The following HOOK3 variants were observed in gnomAD, a reference collection of about 807,000 sequenced individuals.
HOOK3 encodes protein Hook homolog 3.
In HOOK3, 24 loss-of-function variants were observed where a neutral mutation model predicts 116.3. That is an observed-to-expected ratio of 0.21 (90% confidence interval 0.15 to 0.29). The LOEUF (loss-of-function observed/expected upper bound fraction) is 0.29, where lower values mean the gene tolerates loss of function less well. HOOK3 is among the 10% of genes least tolerant of loss of function. The pLI is 1.00. For missense variants in HOOK3, 632 were observed against 830.2 expected (o/e 0.76, Z 2.93); for synonymous variants, 275 against 283.0 (o/e 0.97, Z 0.28).
At chr8:42,999,286 A>C (rs1366839804) in intron 16 of HOOK3, among the ~76,000 whole-genome samples, 1 of 152,224 alleles carries the variant, frequency 6.6e-6, no homozygotes, top group Admixed American at 6.5e-5. Flanking sequence ...CAGAAGTGAG[A>C]TGCTAGCCCT....
At chr8:42,920,891 T>C (rs1432075813) in intron 2 of HOOK3, among the ~76,000 whole-genome samples, 1 of 152,236 alleles carries the variant, frequency 6.6e-6, no homozygotes, top group Non-Finnish European at 1.5e-5. Context: ...GTTGCTGATA[T>C]AATACAGATG....
In HOOK3 at chr8:42,960,889, C is replaced by T. The variant is rs181857672; in HGVS notation, c.615+1575C>T. ...TTTTTGTATTGTTGTAAAGAAATAC[C>T]CAAGGCTGCATAATTTATAAAGAAA... On this transcript the variant is annotated intron_variant, in intron 8 of 21. Transcript: ENST00000307602. Among the ~76,000 whole-genome samples the T allele has an allele frequency of 1.6e-3, 246 of 152,132 alleles. 1 individual carries two copies. The Middle Eastern group carries it at 0.017, about 11-fold the overall frequency.
intron 17 of HOOK3, among the ~76,000 whole-genome samples, chr8:43,004,610 G>A (rs1428222358): frequency 6.8e-6 from 1 of 147,656 alleles, no homozygotes. Context: ...GAACCTGGGA[G>A]GCAGAGGTTG....
chr8:42,929,787 A>T (rs1399889556), intron 3 of HOOK3, among the ~76,000 whole-genome samples: 1 of 152,164 alleles, frequency 6.6e-6, no homozygotes, highest in Admixed American at 6.5e-5. Flanking sequence ...TCAAGTCTTC[A>T]TTAAGGATGG....
chr8:42,957,911 G>T (rs968818476), intron 7 of HOOK3, among the ~76,000 whole-genome samples: 3 of 149,136 alleles, frequency 2.0e-5, no homozygotes, highest in East Asian at 2.0e-4. Context: ...CTCACTGCAA[G>T]CTTCACCTCC....
chr8:42,985,880 C>T (rs929642782), intron 14 of HOOK3, among the ~76,000 whole-genome samples: 5 of 152,126 alleles, frequency 3.3e-5, no homozygotes, highest in South Asian at 4.1e-4. Flanking sequence ...AAGAGCAATG[C>T]GTGTGTGTCT....
At chr8:43,014,518 A>G (rs1039341679) in intron 21 of HOOK3, among the ~76,000 whole-genome samples, 1 of 151,488 alleles carries the variant, frequency 6.6e-6, no homozygotes, top group South Asian at 2.1e-4. Flanking sequence ...CGCCCGAATA[A>G]TTTTTGTATT....
At chr8:42,985,516 T>A (rs189770530) in intron 14 of HOOK3, among the ~76,000 whole-genome samples, 1 of 152,352 alleles carries the variant, frequency 6.6e-6, no homozygotes, top group East Asian at 1.9e-4. Flanking sequence ...TAGAAGGCTA[T>A]ATTTCAGCAG....
At chr8:42,987,415 T>C (rs1382713741) in intron 15 of HOOK3, among the ~76,000 whole-genome samples, 30 of 152,234 alleles carry the variant, frequency 2.0e-4, no homozygotes, top group Admixed American at 2.0e-3. Flanking sequence ...AAAAATCCGA[T>C]AATTCAGTCT....
chr8:42,964,334 A>G lies in HOOK3; in HGVS notation c.639A>G (p.Lys213=). ...DMQVAALQEE[K]SSLLAENQVL... ...AGGTTGCAGCATTGCAGGAAGAGAA[A>G]AGTAGTTTGTTGGCAGAGAATCAGG... The change falls in exon 9 of 22, where the codon AAA becomes AAG. Residue 213 remains lysine, a synonymous_variant. Coordinates refer to ENST00000307602, the MANE Select transcript of HOOK3 (RefSeq NM_032410.4). 6.2e-7 allele frequency: 1 copy of G among 1,614,160 alleles called. No individual in the cohort carries two copies. Among genetic ancestry groups the G allele is most frequent in the Non-Finnish European group, 8.5e-7 (1 of 1,180,012 alleles).
Position 43,022,712 on chromosome 8 carries a change from G to A in HOOK3, c.*4214G>A, listed in dbSNP as rs1474563902. ...CATTTGTCTATTTGATAGTAATGCA[G>A]AAAAAAGTCCCTAAAGACCCTGTGT... is the stretch of plus-strand genomic sequence containing the variant. On this transcript the variant is annotated 3_prime_UTR_variant, in exon 22 of 22. Transcript: ENST00000307602. 1 of 180,606 alleles carries A rather than the reference G, an allele frequency of 5.5e-6. No individual in the cohort carries two copies. The highest frequency in any genetic ancestry group is 1.2e-5 in the Non-Finnish European group (1 of 84,538). 11.2% of individuals were successfully genotyped at this position (180,606 alleles called of 1,614,324 possible).
chr8:42,925,826 A>T (rs1025545778), intron 3 of HOOK3, among the ~76,000 whole-genome samples, 197 bp downstream of exon 3: 2 of 152,192 alleles, frequency 1.3e-5, no homozygotes, highest in African/African-American at 4.8e-5. Context: ...ACGCATAGCA[A>T]CCAAGGGCAT....
chr8:42,900,785 T>C (rs1349095278), intron 1 of HOOK3, among the ~76,000 whole-genome samples: 1 of 152,270 alleles, frequency 6.6e-6, no homozygotes, highest in Non-Finnish European at 1.5e-5. Flanking sequence ...TGCATTGATA[T>C]TTAACTTTAT....
At chr8:42,955,449 C>T (rs1219741781) in intron 6 of HOOK3, among the ~76,000 whole-genome samples, 1 of 151,652 alleles carries the variant, frequency 6.6e-6, no homozygotes, top group Admixed American at 6.6e-5. Context: ...AGATTTTTGC[C>T]AGTAAGAAAA....
intron 8 of HOOK3, among the ~76,000 whole-genome samples, chr8:42,963,243 G>C (rs187762602): frequency 6.6e-6 from 1 of 152,118 alleles, no homozygotes; most frequent in Admixed American, 6.5e-5. Flanking sequence ...GGGGATATTC[G>C]CATTATATGC....
chr8:42,980,282 A>G (rs1808914282), intron 13 of HOOK3, among the ~76,000 whole-genome samples: 2 of 152,154 alleles, frequency 1.3e-5, no homozygotes, highest in South Asian at 4.2e-4. Flanking sequence ...AATTTTAAGA[A>G]TCTAACCTGA....
chr8:42,978,115 T>A (rs1363617243), intron 13 of HOOK3, among the ~76,000 whole-genome samples: 1 of 152,206 alleles, frequency 6.6e-6, no homozygotes, highest in Non-Finnish European at 1.5e-5. Flanking sequence ...TAGATGGTCT[T>A]AAATGCAAAG....
chr8:43,010,361 CA>C lies in HOOK3; in HGVS notation c.1798del (p.Met600TrpfsTer9). On this transcript the variant is annotated frameshift_variant, in exon 19 of 22. Coordinates refer to ENST00000307602, the MANE Select transcript of HOOK3 (RefSeq NM_032410.4). LOFTEE classifies it high-confidence loss of function. ...ACGAAAGAAAGAGGAAGAAATGAAG[CA>C]AATGGAAGAACGATACAAAAAATAC... ...ALRKKEEEMK[Q>X]MEERYKKYLE... 1 of 1,492,124 alleles carries C rather than the reference CA, an allele frequency of 6.7e-7. No homozygotes were observed. Among genetic ancestry groups the C allele is most frequent in the Non-Finnish European group, 8.9e-7 (1 of 1,120,214 alleles). 92.4% of individuals were successfully genotyped at this position (1,492,124 alleles called of 1,614,324 possible).
At chr8:43,005,197 C>CTATATATA (rs1311073240) in intron 17 of HOOK3, among the ~76,000 whole-genome samples, 3 of 56,882 alleles carry the variant, frequency 5.3e-5, no homozygotes, top group African/African-American at 1.1e-4. Context: ...CTCTCTCTCT[C>CTATATATA]TCTATATATA....
Sources: gnomAD v4.1 joint callset for allele counts (sites outside exome capture counted in the v4.1 genomes callset) on GRCh38, gnomAD v4.1.1 for gene constraint, MANE v1.5 for transcripts, NCBI Gene and HGNC (gene_info 2026-07-23, HGNC 2026-07-21) for gene names.